PTCH2: variants seen among roughly 807,000 people sequenced by gnomAD.
The protein encoded by PTCH2 is protein patched homolog 2.
PTCH2 carries 96 observed loss-of-function variants against 117.9 expected under a neutral mutation model. The ratio of observed to expected loss-of-function variants is 0.81; its 90% CI spans 0.69 to 0.96. The LOEUF (loss-of-function observed/expected upper bound fraction) is 0.96, where lower values mean the gene tolerates loss of function less well. Among genes scored for constraint, PTCH2 ranks in the 50% least tolerant of loss-of-function variants. The probability of loss-of-function intolerance (pLI) is 0.00; values close to 1 mark genes in which losing one functional copy is unlikely to be tolerated. For missense variants in PTCH2, 1,379 were observed against 1,562.5 expected (o/e 0.88, Z 1.98); for synonymous variants, 615 against 660.9 (o/e 0.93, Z 1.06).
At position 44,823,197 on chromosome 1, in the gene PTCH2, C is replaced by T. The variant is rs1247549648; in HGVS notation, c.3258-29G>A. ...GGGGTAGGGTGTGGGGGGAGTCAGC[C>T]CAGGCCTGTCCTGAGCCCTGCCTCC... On this transcript the variant is annotated intron_variant, in intron 20 of 21. Coordinates refer to ENST00000372192, the MANE Select transcript of PTCH2 (RefSeq NM_003738.5). This position sits in a 1 kb window ranked among gnomAD's most constrained non-coding sequence, Gnocchi z 5.1. The T allele has an allele frequency of 1.2e-6, 2 of 1,614,104 alleles. No homozygotes were observed. Among genetic ancestry groups the T allele is most frequent in the Non-Finnish European group, 1.7e-6 (2 of 1,179,976 alleles).
chr1:44,839,414 C>T (rs1028015626), intron 2 of PTCH2, among the ~76,000 whole-genome samples: 2 of 150,890 alleles, frequency 1.3e-5, no homozygotes, highest in African/African-American at 4.9e-5. Context: ...TTTACCTCAC[C>T]CCCAGCCAAT....
chr1:44,841,080 G>C (rs1405048954), intron 2 of PTCH2, among the ~76,000 whole-genome samples: 1 of 148,756 alleles, frequency 6.7e-6, no homozygotes, highest in African/African-American at 2.5e-5. Flanking sequence ...TGAGGCACGA[G>C]AATCACTTGA....
chr1:44,834,040 C>T (rs1573655322), intron 2 of PTCH2, among the ~76,000 whole-genome samples: 1 of 152,100 alleles, frequency 6.6e-6, no homozygotes, highest in Non-Finnish European at 1.5e-5. Flanking sequence ...CATGTCCCCT[C>T]GTGCCCCAAA....
At chr1:44,820,547 G>C (rs1250406035), downstream of PTCH2, 2 of 675,732 alleles carry the variant, frequency 3.0e-6, no homozygotes, top group African/African-American at 3.5e-5. Context: ...GTGATATGGG[G>C]TCACATCAAG....
rs533938249 is a variant in PTCH2, at chr1:44,838,866, C to T, written c.265+2981G>A. Among the ~76,000 whole-genome samples, 282 of 152,084 alleles carry T rather than the reference C, an allele frequency of 1.9e-3. No individual in the cohort carries two copies. In the Middle Eastern group the frequency reaches 0.031, roughly 17 times the overall value. On this transcript the variant is annotated intron_variant, in intron 2 of 21. Transcript: ENST00000372192. The stretch of plus-strand genomic sequence containing the variant: ...TCTGGAGTAGCTGGGACTACAGGCG[C>T]GAACCACCGCACTTGGCTAATTTTT...
rs2148875371 is a variant in PTCH2 at position 44,827,493 on chromosome 1, G to A, written c.2280C>T (p.His760=). Residue 760 remains histidine, a synonymous_variant, in exon 15 of 22, where the codon CAC becomes CAT. Transcript: ENST00000372192. ...AHSQRALFDL[H]QRFSSLKAVL... ...CCGCCTTGAGGGAACTGAAGCGCTG[G>A]TGCAGATCAAAGAGGGCGCGTTGGG... The A allele has an allele frequency of 1.2e-6, 2 of 1,614,002 alleles. No homozygotes were observed. The highest frequency in any genetic ancestry group is 1.1e-5 in the South Asian group (1 of 91,074).
intron 21 of PTCH2, 84 bp from the exon 22 acceptor site, chr1:44,822,753 C>CTGT: frequency 7.0e-7 from 1 of 1,434,954 alleles, no homozygotes; most frequent in Non-Finnish European, 9.8e-7. Context: ...ATTACCATGA[C>CTGT]TGTTGGGAAG....
At position 44,829,715 on chromosome 1, in the gene PTCH2, G is replaced by A. The variant is rs747675456; in HGVS notation, c.982C>T (p.Leu328=). 2 of 1,614,230 alleles carry A rather than the reference G, an allele frequency of 1.2e-6. No homozygotes were observed. Among genetic ancestry groups the A allele is most frequent in the Non-Finnish European group, 1.7e-6 (2 of 1,180,036 alleles). ...TAGTCACCCCGGAAATGCTCGTACA[G>A]CTGGCGGGGACTCATCAGCAAGAAG... ...STFLLMSPRQ[L]YEHFRGDYQT... Residue 328 remains leucine, a synonymous_variant, in exon 8 of 22, where the codon CTG becomes TTG. Transcript: ENST00000372192.
At position 44,843,124 on chromosome 1, in the gene PTCH2, TCCGGGGCGCGGCG is replaced by T. The variant is rs1364932234; in HGVS notation, c.-205_-193del. The T allele has an allele frequency of 6.8e-5, 89 of 1,314,856 alleles. No homozygotes were observed. Among genetic ancestry groups the T allele is most frequent in the Non-Finnish European group, 8.3e-5 (86 of 1,034,312 alleles). 81.4% of individuals were successfully genotyped at this position (1,314,856 alleles called of 1,614,324 possible). A position where few individuals can be genotyped will look rare whatever the true frequency, so the allele number is the denominator to read the frequency against. On this transcript the variant is annotated 5_prime_UTR_variant, in exon 1 of 22. Coordinates refer to ENST00000372192, the MANE Select transcript of PTCH2 (RefSeq NM_003738.5). The stretch of plus-strand genomic sequence containing the variant: ...AGGGAGGAGTGCAGGGAGCTGCGGG[TCCGGGGCGCGGCG>T]CCGGGATTCACCCGCTCCGTGGGCC...
chr1:44,821,695 C>G, downstream of PTCH2: 1 of 1,100,738 alleles, frequency 9.1e-7, no homozygotes, highest in Non-Finnish European at 1.2e-6. Flanking sequence ...TGCTCTCGGT[C>G]TCCAGATTGA....
At position 44,831,145 on chromosome 1, in the gene PTCH2, G is replaced by A. The variant is rs188680789; in HGVS notation, c.618-102C>T. The A allele has an allele frequency of 1.7e-5, 21 of 1,204,220 alleles. No homozygotes were observed. In the East Asian group the frequency reaches 4.4e-4, roughly 25 times the overall value. 74.6% of individuals were successfully genotyped at this position (1,204,220 alleles called of 1,614,324 possible). On this transcript the variant is annotated intron_variant, in intron 5 of 21. Coordinates refer to ENST00000372192, the MANE Select transcript of PTCH2 (RefSeq NM_003738.5). The surrounding 1 kb of genome is among the most constrained non-coding windows in gnomAD (Gnocchi z 4.3). Reference sequence around the variant, plus strand: ...GTACCCCACCCTCCTCTTATCTGCCGATTTGTCCTTCCATATGGAGGGTGT... The same window carrying A: ...GTACCCCACCCTCCTCTTATCTGCCAATTTGTCCTTCCATATGGAGGGTGT...
At position 44,822,137 on chromosome 1, in the gene PTCH2, CAGT is replaced by C; in HGVS notation, c.*275_*277del. 7.1e-7 allele frequency: 1 copy of C among 1,406,778 alleles called. No homozygotes were observed. The highest frequency in any genetic ancestry group is 9.2e-7 in the Non-Finnish European group (1 of 1,083,226). The allele number at this position is 1,406,778 out of a possible 1,614,324, so 87.1% of individuals were successfully genotyped here. The stretch of plus-strand genomic sequence containing the variant: ...CCTCAGGCTTGGTCAGCTGGGCAGG[CAGT>C]GGTGTGGGGTGGGAAGGGGGACAGG... On this transcript the variant is annotated 3_prime_UTR_variant, in exon 22 of 22. Coordinates refer to ENST00000372192, the MANE Select transcript of PTCH2 (RefSeq NM_003738.5).
chr1:44,827,254 C>G lies in PTCH2; in HGVS notation c.2427G>C (p.Ser809=), dbSNP rs111471526. 20,749 of 1,614,134 alleles carry G rather than the reference C, an allele frequency of 0.013. 185 individuals carry two copies. The highest frequency in any genetic ancestry group is 0.015 in the Non-Finnish European group (17,537 of 1,180,016). Reference sequence around the variant, plus strand: ...CCCCATCCTCAGAGCCATTGCGGTACGAGTGGCGGGTGATGCGCCCAGAAG... The same window carrying G: ...CCCCATCCTCAGAGCCATTGCGGTAGGAGTGGCGGGTGATGCGCCCAGAAG... ...DWASGRITRH[S]YRNGSEDGAL... The change falls in exon 16 of 22, where the codon TCG becomes TCC. Residue 809 remains serine, a synonymous_variant. Coordinates refer to ENST00000372192, the MANE Select transcript of PTCH2 (RefSeq NM_003738.5).
chr1:44,819,892 A>G (rs531077110), downstream of PTCH2: 2 of 153,364 alleles, frequency 1.3e-5, no homozygotes, highest in East Asian at 1.9e-4. Context: ...TAGCCTCAGG[A>G]AATAAGAGGC....
intron 2 of PTCH2, among the ~76,000 whole-genome samples, chr1:44,835,465 ACTAT>A (rs1653644774): frequency 6.6e-6 from 1 of 152,218 alleles, no homozygotes. Flanking sequence ...TCAATAAGTT[ACTAT>A]CTAACAATTT....
rs746466950 is a variant in PTCH2, at chr1:44,829,547, G to A, written c.1084-14C>T. 1 of 1,614,160 alleles carries A rather than the reference G, an allele frequency of 6.2e-7. No individual in the cohort carries two copies. Among genetic ancestry groups the A allele is most frequent in the Admixed American group, 1.7e-5 (1 of 60,028 alleles). ...CTCCTGGGCCAGCTGGAGAAACAGG[G>A]TGGATAGGAGGGGGCAGGAGGAGGG... On this transcript the variant is annotated splice_polypyrimidine_tract_variant and intron_variant, in intron 8 of 21. Coordinates refer to ENST00000372192, the MANE Select transcript of PTCH2 (RefSeq NM_003738.5).
rs1653434898 is a variant in PTCH2, at chr1:44,831,263, T to A, written c.618-220A>T. ...AGAGTACAAGGGGCTGAGACGAATATCAGGGCAGGGTTACCTAATACATAG... is the reference window on the plus strand; with the variant it reads ...AGAGTACAAGGGGCTGAGACGAATAACAGGGCAGGGTTACCTAATACATAG... On this transcript the variant is annotated intron_variant, in intron 5 of 21. Coordinates refer to ENST00000372192, the MANE Select transcript of PTCH2 (RefSeq NM_003738.5). The surrounding 1 kb of genome is among the most constrained non-coding windows in gnomAD (Gnocchi z 4.3). Among the ~76,000 whole-genome samples, 1 of 152,162 alleles carries A rather than the reference T, an allele frequency of 6.6e-6. No individual in the cohort carries two copies. The highest frequency in any genetic ancestry group is 1.5e-5 in the Non-Finnish European group (1 of 68,032).
rs761442845 is a variant in PTCH2, at chr1:44,827,470, G to A, written c.2303C>T (p.Ala768Val). 9.3e-6 allele frequency: 15 copies of A among 1,613,914 alleles called. No individual in the cohort carries two copies. The highest frequency in any genetic ancestry group is 1.7e-5 in the Admixed American group (1 of 59,998). The stretch of plus-strand genomic sequence containing the variant: ...CTGGGTGGCCGGTGGGGGCAGCACC[G>A]CCTTGAGGGAACTGAAGCGCTGGTG... ...DLHQRFSSLK[A>V]VLPPPATQAP... is the part of the protein sequence containing the mutation. The change falls in exon 15 of 22, where the codon GCG becomes GTG. Residue 768 changes from alanine to valine, a missense_variant. Transcript: ENST00000372192.
chr1:44,828,498 G>T lies in PTCH2; in HGVS notation c.1590+8C>A. The T allele has an allele frequency of 6.2e-7, 1 of 1,614,150 alleles. No individual in the cohort carries two copies. Among genetic ancestry groups the T allele is most frequent in the South Asian group, 1.1e-5 (1 of 91,086 alleles). On this transcript the variant is annotated splice_region_variant and intron_variant, in intron 12 of 21. Coordinates refer to ENST00000372192, the MANE Select transcript of PTCH2 (RefSeq NM_003738.5). ...CCACCCTGAGCTGCCCCGTGTGAGA[G>T]GCCTCACCTGTAGGGAGAAGGCTCG...
Sources: gnomAD v4.1 joint callset for allele counts (sites outside exome capture counted in the v4.1 genomes callset) on GRCh38, gnomAD v4.1.1 for gene constraint, Gnocchi (gnomAD v3.1) non-coding constraint, MANE v1.5 for transcripts, NCBI Gene and HGNC (gene_info 2026-07-23, HGNC 2026-07-21) for gene names.